Variants in TTLL11 observed in about 807,000 individuals in gnomAD.
The protein encoded by TTLL11 is tubulin polyglutamylase TTLL11.
A neutral mutation model predicts 51.7 loss-of-function variants in TTLL11; 42 were observed. The ratio of observed to expected loss-of-function variants is 0.81; its 90% confidence interval spans 0.64 to 1.05. TTLL11 has a LOEUF of 1.05. Among genes scored for constraint, TTLL11 ranks in the 50% least tolerant of loss-of-function variants. The pLI is 0.00. For missense variants in TTLL11, 799 were observed against 940.4 expected (o/e 0.85, Z 1.97); for synonymous variants, 381 against 383.5 (o/e 0.99, Z 0.08).
chr9:122,017,903 C>G (rs866068004), intron 3 of TTLL11, among the ~76,000 whole-genome samples: 10 of 152,004 alleles, frequency 6.6e-5, no homozygotes, highest in Non-Finnish European at 1.5e-4. Context: ...AAAAAAGAAG[C>G]CTTTTTAAAG....
At chr9:121,978,461 A>C (rs1842762962) in intron 4 of TTLL11, among the ~76,000 whole-genome samples, 1 of 57,806 alleles carries the variant, frequency 1.7e-5, no homozygotes. Context: ...TTATTTATTT[A>C]TTTATTTATT....
intron 1 of TTLL11, among the ~76,000 whole-genome samples, chr9:122,077,833 CAAA>C (rs11286316): frequency 1.0e-5 from 1 of 99,186 alleles, no homozygotes; most frequent in Non-Finnish European, 2.2e-5. Context: ...CAAAAACCTG[CAAA>C]AAAAAAAAAA....
At chr9:122,002,721 C>T (rs557886782) in intron 3 of TTLL11, among the ~76,000 whole-genome samples, 21 of 151,760 alleles carry the variant, frequency 1.4e-4, no homozygotes, top group African/African-American at 4.1e-4. Flanking sequence ...CTGAGGCAGG[C>T]GGATCACGAG....
chr9:122,033,849 T>C (rs1844627281), intron 2 of TTLL11, among the ~76,000 whole-genome samples: 1 of 152,222 alleles, frequency 6.6e-6, no homozygotes, highest in African/African-American at 2.4e-5. Flanking sequence ...ACATGGACTG[T>C]TCAATAGTCA....
chr9:122,065,120 T>C (rs1018503415), intron 1 of TTLL11, among the ~76,000 whole-genome samples: 3 of 152,222 alleles, frequency 2.0e-5, no homozygotes, highest in African/African-American at 7.2e-5. Flanking sequence ...GTCCCATCCC[T>C]ACTGGGAAAT....
chr9:122,015,820 AAAAGAAAG>A (rs1280161035), intron 3 of TTLL11, among the ~76,000 whole-genome samples: 1 of 151,640 alleles, frequency 6.6e-6, no homozygotes, highest in African/African-American at 2.4e-5. Context: ...AAAAAAAAAA[AAAAGAAAG>A]AAAGTAAACC....
At chr9:121,925,795 T>G (rs1034021247) in intron 6 of TTLL11, among the ~76,000 whole-genome samples, 2 of 152,120 alleles carry the variant, frequency 1.3e-5, no homozygotes, top group African/African-American at 4.8e-5. Flanking sequence ...GTGGAGTGAA[T>G]GAATGAATGG....
intron 6 of TTLL11, among the ~76,000 whole-genome samples, chr9:121,954,675 G>GACGC (rs1841964094): frequency 1.4e-5 from 1 of 73,934 alleles, no homozygotes; most frequent in Non-Finnish European, 3.2e-5. Flanking sequence ...CACACACACA[G>GACGC]ACGCACACAC....
intron 1 of TTLL11, among the ~76,000 whole-genome samples, chr9:122,049,065 CAA>C (rs1845092695): frequency 6.6e-6 from 1 of 151,266 alleles, no homozygotes; most frequent in African/African-American, 2.4e-5. Context: ...TTAGGAGATT[CAA>C]AGACTCCCTA....
chr9:121,848,777 A>C (rs929622260), intron 8 of TTLL11, among the ~76,000 whole-genome samples: 1 of 152,210 alleles, frequency 6.6e-6, no homozygotes, highest in African/African-American at 2.4e-5. Context: ...AAATAAATGA[A>C]GAGCTACTTC....
In TTLL11 at chr9:121,862,023, G is replaced by A. The variant is rs1285992913; in HGVS notation, c.1734-1580C>T. On this transcript the variant is annotated intron_variant, in intron 7 of 8. Coordinates refer to ENST00000321582, the MANE Select transcript of TTLL11 (RefSeq NM_001139442.2). Reference sequence around the variant, plus strand: ...GGGGAGTCACCTGGAATTGACAGGAGGATTGTGGGGGACGGGCCTCTGAGC... The same window carrying A: ...GGGGAGTCACCTGGAATTGACAGGAAGATTGTGGGGGACGGGCCTCTGAGC... Among the ~76,000 whole-genome samples the A allele has an allele frequency of 2.6e-5, 4 of 152,304 alleles. No individual in the cohort carries two copies. In the South Asian group the frequency reaches 8.3e-4, roughly 32 times the overall value.
At chr9:121,983,955 G>T (rs1381568065) in intron 4 of TTLL11, among the ~76,000 whole-genome samples, 1 of 152,320 alleles carries the variant, frequency 6.6e-6, no homozygotes, top group East Asian at 1.9e-4. Context: ...TGGAGAAAGG[G>T]TTTATCTAGG....
intron 1 of TTLL11, among the ~76,000 whole-genome samples, chr9:122,088,984 T>C (rs1273505765): frequency 7.7e-6 from 1 of 130,362 alleles, no homozygotes; most frequent in Admixed American, 8.9e-5. Context: ...ACCACTGCAC[T>C]CCAGCCTGGA....
intron 6 of TTLL11, among the ~76,000 whole-genome samples, chr9:121,953,638 A>T (rs1235141285): frequency 8.0e-6 from 1 of 124,972 alleles, no homozygotes; most frequent in Non-Finnish European, 1.8e-5. Context: ...GCCTCAAAAA[A>T]AAAAAAAAAA....
rs752683967 is a variant in TTLL11, at chr9:122,093,180, A to ACCGCCGCCGCCG, written c.-44_-33dup. 1.3e-6 allele frequency: 2 copies of ACCGCCGCCGCCG among 1,485,968 alleles called. No homozygotes were observed. The highest frequency in any genetic ancestry group is 1.8e-6 in the Non-Finnish European group (2 of 1,125,908). 92.0% of individuals were successfully genotyped at this position (1,485,968 alleles called of 1,614,324 possible). On this transcript the variant is annotated 5_prime_UTR_variant, in exon 1 of 9. Transcript: ENST00000321582. Reference sequence around the variant, plus strand: ...CAGGGCCGGGGCCAGTGCCAGTGCCACCGCCGCCGCCGCCGCCGCTCCGCC... The same window carrying ACCGCCGCCGCCG: ...CAGGGCCGGGGCCAGTGCCAGTGCCACCGCCGCCGCCGCCGCCGCCGCCGCCGCCGCTCCGCC...
At chr9:121,878,449 A>C (rs1274679209) in intron 6 of TTLL11, among the ~76,000 whole-genome samples, 1 of 152,206 alleles carries the variant, frequency 6.6e-6, no homozygotes, top group Non-Finnish European at 1.5e-5. Flanking sequence ...TATATGAATT[A>C]ACAAAGGACC....
intron 1 of TTLL11, among the ~76,000 whole-genome samples, chr9:122,045,302 C>G (rs1844973291): frequency 6.6e-6 from 1 of 152,106 alleles, no homozygotes; most frequent in African/African-American, 2.4e-5. Flanking sequence ...CCTGTAATCC[C>G]AGCACTTTGG....
chr9:121,867,159 A>G (rs1464132996), intron 7 of TTLL11, among the ~76,000 whole-genome samples: 3 of 152,206 alleles, frequency 2.0e-5, no homozygotes, highest in Non-Finnish European at 4.4e-5. Context: ...CTCTCATACC[A>G]GAGGTCACCC....
At chr9:121,965,256 G>C (rs1842366237) in intron 6 of TTLL11, among the ~76,000 whole-genome samples, 1 of 152,246 alleles carries the variant, frequency 6.6e-6, no homozygotes, top group South Asian at 2.1e-4. Context: ...ACTTGAGACT[G>C]GGTAATTTAT....
Sources: gnomAD v4.1 joint callset for allele counts (sites outside exome capture counted in the v4.1 genomes callset) on GRCh38, gnomAD v4.1.1 for gene constraint, MANE v1.5 for transcripts, NCBI Gene and HGNC (gene_info 2026-07-23, HGNC 2026-07-21) for gene names.